The following TP63 variants were observed in gnomAD, a reference collection of about 807,000 sequenced individuals.
TP63 encodes tumor protein p63.
Under a neutral mutation model 82.8 loss-of-function variants are expected in TP63, and 17 were observed. The observed-to-expected ratio is 0.21, with a 90% CI of 0.14 to 0.31. The LOEUF (loss-of-function observed/expected upper bound fraction) is 0.31. TP63 is among the 10% of genes least tolerant of loss of function. TP63 has a pLI of 1.00. For synonymous variants in TP63, 330 were observed against 321.7 expected (o/e 1.03, Z -0.28); for missense variants, 648 against 895.3 (o/e 0.72, Z 3.52).
intron 3 of TP63, among the ~76,000 whole-genome samples, chr3:189,795,956 T>C (rs986533038): frequency 3.9e-5 from 6 of 152,074 alleles, no homozygotes; most frequent in Admixed American, 3.9e-4. Context: ...AATGACATTT[T>C]AAAACTTATC....
chr3:189,826,868 G>A (rs1302700464), intron 4 of TP63, among the ~76,000 whole-genome samples: 2 of 152,184 alleles, frequency 1.3e-5, no homozygotes, highest in African/African-American at 4.8e-5. Flanking sequence ...TCACTGAACA[G>A]CACCTTTAGT....
intron 3 of TP63, among the ~76,000 whole-genome samples, chr3:189,747,779 C>A (rs182353633): frequency 6.1e-4 from 93 of 152,034 alleles, no homozygotes; most frequent in Admixed American, 9.8e-4. Context: ...TGGAAAGGAC[C>A]AGTAAAACCA....
At chr3:189,870,473 T>G (rs933576217) in intron 9 of TP63, among the ~76,000 whole-genome samples, 10 of 152,122 alleles carry the variant, frequency 6.6e-5, no homozygotes, top group African/African-American at 2.4e-4. Context: ...TACGTGCAAA[T>G]ACTACACCAT....
chr3:189,853,919 GCTGTA>G (rs1715965361), intron 4 of TP63, among the ~76,000 whole-genome samples: 1 of 152,118 alleles, frequency 6.6e-6, no homozygotes, highest in Admixed American at 6.5e-5. Context: ...GGTTGTTTTT[GCTGTA>G]CTCTGCCTCT....
chr3:189,736,315 A>G (rs1359880395), intron 1 of TP63, among the ~76,000 whole-genome samples: 1 of 151,852 alleles, frequency 6.6e-6, no homozygotes, highest in Non-Finnish European at 1.5e-5. Context: ...CTCTGCCCCA[A>G]ATTTTTCAAA....
intron 4 of TP63, among the ~76,000 whole-genome samples, chr3:189,811,919 G>A (rs1038724154): frequency 6.6e-6 from 1 of 152,180 alleles, no homozygotes; most frequent in Non-Finnish European, 1.5e-5. Context: ...AGTCCAACTG[G>A]TAAAGAAATT....
chr3:189,797,219 C>T (rs555725827), intron 3 of TP63, among the ~76,000 whole-genome samples: 23 of 152,048 alleles, frequency 1.5e-4, no homozygotes, highest in South Asian at 2.1e-4. Context: ...TTGCCAGAGG[C>T]GGAAATTTAT....
intron 10 of TP63, among the ~76,000 whole-genome samples, chr3:189,875,607 T>TATATATACAC (rs1553859630): frequency 3.0e-4 from 17 of 56,106 alleles, no homozygotes; most frequent in African/African-American, 1.0e-3. Context: ...TATATATATA[T>TATATATACAC]ATATATATAT....
intron 4 of TP63, among the ~76,000 whole-genome samples, chr3:189,836,181 T>C (rs1444474278): frequency 1.3e-5 from 2 of 152,152 alleles, no homozygotes; most frequent in Admixed American, 1.3e-4. Flanking sequence ...AGATTGTTTT[T>C]ACTTGGTTCT....
intron 1 of TP63, among the ~76,000 whole-genome samples, chr3:189,640,629 C>A (rs1711766783): frequency 6.6e-6 from 1 of 152,108 alleles, no homozygotes; most frequent in African/African-American, 2.4e-5. Context: ...TGCAAGGTGC[C>A]AGCCTATGTT....
At chr3:189,608,157 T>G in the TP63 span, among the ~76,000 whole-genome samples, 1 of 152,168 alleles carries the variant, frequency 6.6e-6, no homozygotes, top group Non-Finnish European at 1.5e-5. Flanking sequence ...AAAAAAGTTG[T>G]GTGTACTGTG....
intron 1 of TP63, among the ~76,000 whole-genome samples, chr3:189,725,205 A>C (rs1358535367): frequency 6.6e-6 from 1 of 150,626 alleles, no homozygotes; most frequent in African/African-American, 2.5e-5. Flanking sequence ...CAGGACAAAT[A>C]ATTAAAACAG....
intron 1 of TP63, among the ~76,000 whole-genome samples, chr3:189,685,309 A>C (rs1716344212): frequency 6.6e-6 from 1 of 152,176 alleles, no homozygotes; most frequent in Admixed American, 6.5e-5. Flanking sequence ...GTCTCTTCTT[A>C]GGTTGATGTT....
chr3:189,713,328 G>A (rs935750944), intron 1 of TP63, among the ~76,000 whole-genome samples: 2 of 151,444 alleles, frequency 1.3e-5, no homozygotes, highest in Non-Finnish European at 3.0e-5. Context: ...ATCAGAGCTT[G>A]AGTAAACAAT....
At chr3:189,754,475 T>C (rs1312010130) in intron 3 of TP63, among the ~76,000 whole-genome samples, 3 of 152,190 alleles carry the variant, frequency 2.0e-5, no homozygotes, top group Non-Finnish European at 4.4e-5. Flanking sequence ...TATGAACATA[T>C]CAGTGGCCTA....
chr3:189,743,513 C>T (rs895996806), intron 3 of TP63, among the ~76,000 whole-genome samples: 3 of 151,978 alleles, frequency 2.0e-5, no homozygotes, highest in African/African-American at 7.3e-5. Context: ...AACACACACA[C>T]ACACACACAA....
At position 189,651,868 on chromosome 3, in the gene TP63, T is replaced by A. The variant is rs778840851; in HGVS notation, c.62+20291T>A. ...AGGGGAAAAGGTACAGCTAAGGCTA[T>A]TGCTTCAGAGGGTGCAAGCTCCAAG... On this transcript the variant is annotated intron_variant, in intron 1 of 13. Transcript: ENST00000264731. Among the ~76,000 whole-genome samples the A allele has an allele frequency of 1.1e-4, 16 of 147,314 alleles. 1 individual carries two copies. The highest frequency in any genetic ancestry group is 2.2e-4 in the Non-Finnish European group (15 of 67,336).
intron 4 of TP63, among the ~76,000 whole-genome samples, chr3:189,813,351 T>C (rs773265040): frequency 6.6e-6 from 1 of 152,202 alleles, no homozygotes; most frequent in Non-Finnish European, 1.5e-5. Flanking sequence ...TGGGAGTTGC[T>C]GGTGAGGGAA....
intron 3 of TP63, among the ~76,000 whole-genome samples, chr3:189,768,279 CT>C (rs1461735588): frequency 6.6e-6 from 1 of 151,962 alleles, no homozygotes; most frequent in East Asian, 1.9e-4. Flanking sequence ...TTACTATTTA[CT>C]TTTTTAGGTC....
Sources: allele counts gnomAD v4.1 joint callset (sites outside exome capture counted in the v4.1 genomes callset), GRCh38; gene constraint gnomAD v4.1.1; transcripts MANE v1.5; gene names NCBI Gene and HGNC (gene_info 2026-07-23, HGNC 2026-07-21).